CNKSR2: variants seen among roughly 807,000 people sequenced by gnomAD.
The protein encoded by CNKSR2 is connector enhancer of kinase suppressor of Ras 2.
Under a neutral mutation model 84.4 loss-of-function variants are expected in CNKSR2, and 14 were observed. The observed-to-expected ratio is 0.17, with a 90% CI of 0.11 to 0.26. The LOEUF (loss-of-function observed/expected upper bound fraction) is 0.26, where lower values mean the gene tolerates loss of function less well. Among genes scored for constraint, CNKSR2 ranks in the 10% least tolerant of loss-of-function variants. The pLI is 1.00. For missense variants in CNKSR2, 485 were observed against 771.2 expected, an observed-to-expected ratio of 0.63 and a Z score of 4.40; for synonymous variants, 275 against 277.9, an observed-to-expected ratio of 0.99 and a Z score of 0.10.
At chrX:21,570,557 A>G (rs1319377477) in intron 13 of CNKSR2, among the ~76,000 whole-genome samples, 1 of 111,716 alleles carries the variant, frequency 9.0e-6, no homozygotes, top group South Asian at 3.7e-4. Context: ...TATCATTTTT[A>G]TATTGGAGGC....
chrX:21,461,265 A>G (rs1245884330), intron 4 of CNKSR2, among the ~76,000 whole-genome samples: 3 of 112,291 alleles, frequency 2.7e-5, no homozygotes, highest in Non-Finnish European at 5.6e-5. Context: ...GTTTTGCTTT[A>G]CATTTTTTTG....
At chrX:21,416,068 A>G (rs2090417959) in intron 1 of CNKSR2, among the ~76,000 whole-genome samples, 1 of 111,064 alleles carries the variant, frequency 9.0e-6, no homozygotes, top group African/African-American at 3.3e-5. Context: ...TTATGATACT[A>G]GCTGTGGGAC....
At chrX:21,649,725 A>T (rs771965199) in intron 21 of CNKSR2, among the ~76,000 whole-genome samples, 12 of 111,177 alleles carry the variant, frequency 1.1e-4, no homozygotes, top group African/African-American at 3.9e-4. Context: ...AGTGTGGGAG[A>T]TTGAAGGAGA....
chrX:21,413,822 A>G (rs771809727), intron 1 of CNKSR2, among the ~76,000 whole-genome samples: 2 of 111,410 alleles, frequency 1.8e-5, no homozygotes, highest in Admixed American at 1.9e-4. Context: ...TCCATTGTGT[A>G]TATGTACCAC....
chrX:21,528,858 A>C (rs2091859589), intron 10 of CNKSR2, among the ~76,000 whole-genome samples: 1 of 111,339 alleles, frequency 9.0e-6, no homozygotes, highest in Non-Finnish European at 1.9e-5. Context: ...CAATCCATGC[A>C]TCAAAGCCCC....
In CNKSR2 at chrX:21,379,892, T is replaced by C. The variant is rs368053296; in HGVS notation, c.64+4931T>C. ...GGGATCTGTGAGGAGGGTGGGGTTC[T>C]AGCAACTATTTAAGCTACTTATTTA... On this transcript the variant is annotated intron_variant, in intron 1 of 21. Coordinates refer to ENST00000379510, the MANE Select transcript of CNKSR2 (RefSeq NM_014927.5). Among the ~76,000 whole-genome samples the C allele has an allele frequency of 4.5e-5, 5 of 111,767 alleles. No homozygotes were observed. In the East Asian group the frequency reaches 1.1e-3, roughly 25 times the overall value.
At chrX:21,532,397 G>GT (rs2091894141) in intron 11 of CNKSR2, among the ~76,000 whole-genome samples, 1 of 110,055 alleles carries the variant, frequency 9.1e-6, no homozygotes, top group South Asian at 3.8e-4. Flanking sequence ...ATTCTTTTTT[G>GT]TTTTTTTAAA....
chrX:21,374,989 C>G (rs373004052), intron 1 of CNKSR2, 28 bp downstream of exon 1: 2 of 1,153,249 alleles, frequency 1.7e-6, no homozygotes, highest in East Asian at 3.0e-5. Context: ...GAGGGTGAGG[C>G]GGCACTGGGG....
At chrX:21,624,487 G>T (rs2092614492) in intron 20 of CNKSR2, among the ~76,000 whole-genome samples, 1 of 111,722 alleles carries the variant, frequency 9.0e-6, no homozygotes, top group Non-Finnish European at 1.9e-5. Context: ...AAAGAAATAG[G>T]CTACCTCTAA....
rs907142564 is a variant in CNKSR2, at chrX:21,542,336, C to CA, written c.1303+10270dup. On this transcript the variant is annotated intron_variant, in intron 11 of 21. Coordinates refer to ENST00000379510, the MANE Select transcript of CNKSR2 (RefSeq NM_014927.5). The stretch of plus-strand genomic sequence containing the variant: ...ACCTTGGGGATGTTACTCTGGGCCT[C>CA]AGTTTTCTTATTAAATGAATATGAT... 5.4e-5 allele frequency among the ~76,000 whole-genome samples: 6 copies of CA among 111,964 alleles called. No homozygotes were observed. In the Admixed American group the frequency reaches 5.7e-4, roughly 11 times the overall value.
At chrX:21,570,950 A>G (rs1197483207) in intron 13 of CNKSR2, among the ~76,000 whole-genome samples, 1 of 112,230 alleles carries the variant, frequency 8.9e-6, no homozygotes, top group Non-Finnish European at 1.9e-5. Context: ...CTTGCCCTGG[A>G]TTAGGCTTTG....
chrX:21,527,369 TA>T (rs897895072), intron 10 of CNKSR2, among the ~76,000 whole-genome samples: 1 of 109,719 alleles, frequency 9.1e-6, no homozygotes, highest in African/African-American at 3.3e-5. Context: ...ATTTTTTTTT[TA>T]AAAAAAGAGA....
chrX:21,625,483 A>G (rs1031062110), intron 20 of CNKSR2, among the ~76,000 whole-genome samples: 3 of 111,881 alleles, frequency 2.7e-5, no homozygotes, highest in Admixed American at 9.5e-5. Flanking sequence ...ATCTGCTTCT[A>G]TCAACAGAGA....
chrX:21,505,442 A>G (rs1237739829), intron 8 of CNKSR2: 2 of 111,496 alleles, frequency 1.8e-5, no homozygotes, highest in South Asian at 3.8e-4. Context: ...GATGTTCTAC[A>G]TTGATTAGTG....
Position 21,500,721 on chromosome X carries a change from T to C in CNKSR2, c.742-799T>C, listed in dbSNP as rs375364760. 1.2e-3 allele frequency among the ~76,000 whole-genome samples: 136 copies of C among 111,346 alleles called. No homozygotes were observed. The South Asian group carries it at 0.046, about 38-fold the overall frequency. On this transcript the variant is annotated intron_variant, in intron 7 of 21. Transcript: ENST00000379510. The stretch of plus-strand genomic sequence containing the variant: ...CTTGTCAGTATTAGCTTACCAAGTT[T>C]GTTTGTTTTTGTTTTTCATCCCTTT...
chrX:21,570,175 A>G (rs1487543181), intron 13 of CNKSR2, among the ~76,000 whole-genome samples: 1 of 112,507 alleles, frequency 8.9e-6, no homozygotes, highest in Non-Finnish European at 1.9e-5. Context: ...CCTAGATGGC[A>G]TCTTCTTCCA....
At chrX:21,390,170 G>T (rs2090028980) in intron 1 of CNKSR2, among the ~76,000 whole-genome samples, 1 of 111,776 alleles carries the variant, frequency 8.9e-6, no homozygotes, top group Non-Finnish European at 1.9e-5. Flanking sequence ...GTTAAGCAAG[G>T]CATGATAATT....
At chrX:21,501,687 A>C in intron 8 of CNKSR2, 99 bp downstream of exon 8, 1 of 399,460 alleles carries the variant, frequency 2.5e-6, no homozygotes, top group South Asian at 7.3e-5. Flanking sequence ...TTTGTATACA[A>C]AATATTGAAC....
chrX:21,399,111 G>C (rs901129071), intron 1 of CNKSR2, among the ~76,000 whole-genome samples: 7 of 110,813 alleles, frequency 6.3e-5, no homozygotes, highest in Non-Finnish European at 1.3e-4. Flanking sequence ...CAATTATACA[G>C]ACCAGTAATA....
Sources: allele counts gnomAD v4.1 joint callset (sites outside exome capture counted in the v4.1 genomes callset), GRCh38; gene constraint gnomAD v4.1.1; transcripts MANE v1.5; gene names NCBI Gene and HGNC (gene_info 2026-07-23, HGNC 2026-07-21).